Variants in IGSF3 observed in about 807,000 individuals in gnomAD.
IGSF3 encodes the protein glu-Trp-Ile EWI motif-containing protein 3.
In IGSF3, 23 loss-of-function variants were observed where a neutral mutation model predicts 114.4. That is an observed-to-expected ratio of 0.20 (90% confidence interval 0.14 to 0.28). The LOEUF is 0.28. Ranked by LOEUF, IGSF3 falls within the 10% of genes least tolerant of loss-of-function variation. The pLI is 1.00. For missense variants in IGSF3, 1,172 were observed against 1,591.5 expected, an observed-to-expected ratio of 0.74 and a Z score of 4.48; for synonymous variants, 571 against 645.2, an observed-to-expected ratio of 0.88 and a Z score of 1.74.
chr1:116,603,574 CTG>C lies in IGSF3; in HGVS notation c.1624+48_1624+49del. On this transcript the variant is annotated intron_variant, in intron 6 of 10. Coordinates refer to ENST00000369486, the MANE Select transcript of IGSF3 (RefSeq NM_001007237.3). This position sits in a 1 kb window ranked among gnomAD's most constrained non-coding sequence, Gnocchi z 7.1. ...AAAAGTCAGGATAAGGTGTTTGACA[CTG>C]AAGCTGTCTCCATGCCAGACCCACT... is the stretch of plus-strand genomic sequence containing the variant. 1.9e-6 allele frequency: 3 copies of C among 1,566,674 alleles called. No individual in the cohort carries two copies. The highest frequency in any genetic ancestry group is 2.6e-6 in the Non-Finnish European group (3 of 1,148,170).
At position 116,577,651 on chromosome 1, in the gene IGSF3, G is replaced by A; in HGVS notation, c.3335-89C>T. On this transcript the variant is annotated intron_variant, in intron 10 of 10. Transcript: ENST00000369486. The surrounding 1 kb of genome is among the most constrained non-coding windows in gnomAD (Gnocchi z 5.7). ...TTTTGAAGACCTCACCTGACCCAGT[G>A]GAAGCTCCTCGGTGACACTCCCACA... 7.6e-7 allele frequency: 1 copy of A among 1,317,826 alleles called. No individual in the cohort carries two copies. The allele number at this position is 1,317,826 out of a possible 1,614,324, so 81.6% of individuals were successfully genotyped here. A position where few individuals can be genotyped will look rare whatever the true frequency, so the allele number is the denominator to read the frequency against.
chr1:116,587,063 G>A (rs1321087075), intron 8 of IGSF3, among the ~76,000 whole-genome samples: 2 of 151,960 alleles, frequency 1.3e-5, no homozygotes, highest in Non-Finnish European at 2.9e-5. Flanking sequence ...CATTCAGCAG[G>A]GCACAGGCCA....
intron 4 of IGSF3, among the ~76,000 whole-genome samples, chr1:116,608,690 C>T (rs1660895822): frequency 6.6e-6 from 1 of 152,100 alleles, no homozygotes; most frequent in African/African-American, 2.4e-5. Context: ...AAATATCTAG[C>T]CTTGATATAT....
At position 116,607,786 on chromosome 1, in the gene IGSF3, G is replaced by A. The variant is rs1170052339; in HGVS notation, c.1222+156C>T. Reference sequence around the variant, plus strand: ...ACATGTATGCAGGTGGGCTACAACAGGGAAGAGAGGCTCAATGGTTTTTCC... The same window carrying A: ...ACATGTATGCAGGTGGGCTACAACAAGGAAGAGAGGCTCAATGGTTTTTCC... On this transcript the variant is annotated intron_variant, in intron 5 of 10. Transcript: ENST00000369486. This position sits in a 1 kb window ranked among gnomAD's most constrained non-coding sequence, Gnocchi z 6.1. Among the ~76,000 whole-genome samples, 1 of 152,176 alleles carries A rather than the reference G, an allele frequency of 6.6e-6. No individual in the cohort carries two copies. Among genetic ancestry groups the A allele is most frequent in the African/African-American group, 2.4e-5 (1 of 41,428 alleles).
chr1:116,599,922 A>C lies in IGSF3; in HGVS notation c.2029+19T>G. 1 of 1,597,694 alleles carries C rather than the reference A, an allele frequency of 6.3e-7. No homozygotes were observed. The highest frequency in any genetic ancestry group is 8.6e-7 in the Non-Finnish European group (1 of 1,169,142). On this transcript the variant is annotated intron_variant, in intron 7 of 10. Transcript: ENST00000369486. ...CTCAGGCAGCATGGGCACATAGCCC[A>C]CAGGTCCGCAGCACTCACCTGGCTG... is the stretch of plus-strand genomic sequence containing the variant.
At position 116,600,238 on chromosome 1, in the gene IGSF3, C is replaced by T. The variant is rs149872697; in HGVS notation, c.1732G>A (p.Val578Met). ...IKPHYPAWVPVSVTWRFQPVG... is the reference protein window; with the variant it reads ...IKPHYPAWVPMSVTWRFQPVG... ...GGCTGGAACCGCCATGTCACCGACA[C>T]GGGGACCCAGGCAGGGTAGTGGGGT... Residue 578 changes from valine (V) to methionine (M), a missense_variant, in exon 7 of 11, where the codon GTG becomes ATG. Transcript: ENST00000369486. This position sits in a 1 kb window ranked among gnomAD's most constrained non-coding sequence, Gnocchi z 5.5. 8.1e-6 allele frequency: 13 copies of T among 1,614,072 alleles called. No individual in the cohort carries two copies. In the African/African-American group the frequency reaches 1.5e-4, roughly 18 times the overall value.
In IGSF3 at chr1:116,592,882, C is replaced by T. The variant is rs1249519776; in HGVS notation, c.2030-3778G>A. Among the ~76,000 whole-genome samples the T allele has an allele frequency of 2.6e-5, 4 of 152,122 alleles. No homozygotes were observed. The highest frequency in any genetic ancestry group is 4.4e-5 in the Non-Finnish European group (3 of 68,030). On this transcript the variant is annotated intron_variant, in intron 7 of 10. Coordinates refer to ENST00000369486, the MANE Select transcript of IGSF3 (RefSeq NM_001007237.3). This position sits in a 1 kb window ranked among gnomAD's most constrained non-coding sequence, Gnocchi z 4.5. ...TTACTTTTCAAAAGGAGGGGCAATT[C>T]TGATTTTGATAGAAAAGAGAACATT...
In IGSF3 at chr1:116,627,728, G is replaced by T. The variant is rs1022664718; in HGVS notation, c.44-11271C>A. Among the ~76,000 whole-genome samples, 7 of 152,138 alleles carry T rather than the reference G, an allele frequency of 4.6e-5. No individual in the cohort carries two copies. Among genetic ancestry groups the T allele is most frequent in the Non-Finnish European group, 1.0e-4 (7 of 68,014 alleles). On this transcript the variant is annotated intron_variant, in intron 2 of 10. Coordinates refer to ENST00000369486, the MANE Select transcript of IGSF3 (RefSeq NM_001007237.3). The surrounding 1 kb of genome is among the most constrained non-coding windows in gnomAD (Gnocchi z 4.7). Reference sequence around the variant, plus strand: ...AACTAGACCTGGATACAAAGGGGTGGCCCTGGCTTCAGGAAGCCCATGATA... The same window carrying T: ...AACTAGACCTGGATACAAAGGGGTGTCCCTGGCTTCAGGAAGCCCATGATA...
At position 116,579,936 on chromosome 1, in the gene IGSF3, A is replaced by G; in HGVS notation, c.2849-59T>C. ...TTGTTTAAATTTATTTGCTCAAAATAAACTAAATGTCCATCATTAAACACA... is the reference window on the plus strand; with the variant it reads ...TTGTTTAAATTTATTTGCTCAAAATGAACTAAATGTCCATCATTAAACACA... On this transcript the variant is annotated intron_variant, in intron 9 of 10. Transcript: ENST00000369486. This position sits in a 1 kb window ranked among gnomAD's most constrained non-coding sequence, Gnocchi z 6.4. 7.1e-7 allele frequency: 1 copy of G among 1,414,752 alleles called. No individual in the cohort carries two copies. Among genetic ancestry groups the G allele is most frequent in the Non-Finnish European group, 9.5e-7 (1 of 1,051,214 alleles). 87.6% of individuals were successfully genotyped at this position (1,414,752 alleles called of 1,614,324 possible).
Position 116,584,881 on chromosome 1 carries a change from C to T in IGSF3, c.2612G>A (p.Ser871Asn). 1.2e-6 allele frequency: 2 copies of T among 1,614,244 alleles called. No individual in the cohort carries two copies. The highest frequency in any genetic ancestry group is 1.7e-5 in the Admixed American group (1 of 60,028). ...HPERETVARL[S>N]RDATFHYGEQ... ...TCCATAGTGGAAGGTGGCGTCACGGCTCAAGCGGGCCACAGTCTCCCGCTC... is the reference window on the plus strand; with the variant it reads ...TCCATAGTGGAAGGTGGCGTCACGGTTCAAGCGGGCCACAGTCTCCCGCTC... The change falls in exon 9 of 11, where the codon AGC becomes AAC. Residue 871 changes from serine to asparagine, a missense_variant. Around this residue, in one of 3 missense-constraint regions of IGSF3, gnomAD observed 423 missense variants for 509.8 expected, o/e 0.83. Transcript: ENST00000369486. The surrounding 1 kb of genome is among the most constrained non-coding windows in gnomAD (Gnocchi z 5.8).
At chr1:116,619,641 C>T (rs890261189) in intron 2 of IGSF3, among the ~76,000 whole-genome samples, 2 of 151,840 alleles carry the variant, frequency 1.3e-5, no homozygotes, top group Non-Finnish European at 2.9e-5. Context: ...ATAGTAATAC[C>T]CTGCTGTGCA....
In IGSF3 at chr1:116,657,519, T is replaced by A. The variant is rs1648912661; in HGVS notation, c.43+8765A>T. On this transcript the variant is annotated intron_variant, in intron 2 of 10. Transcript: ENST00000369486. The surrounding 1 kb of genome is among the most constrained non-coding windows in gnomAD (Gnocchi z 4.2). ...CACTAGACTAATTTTGCTTTAGAACTGGACTATATCAAGTGTGAACGATCA... is the reference window on the plus strand; with the variant it reads ...CACTAGACTAATTTTGCTTTAGAACAGGACTATATCAAGTGTGAACGATCA... Among the ~76,000 whole-genome samples the A allele has an allele frequency of 6.6e-6, 1 of 152,198 alleles. No individual in the cohort carries two copies. Among genetic ancestry groups the A allele is most frequent in the Non-Finnish European group, 1.5e-5 (1 of 68,036 alleles).
At position 116,612,519 on chromosome 1, in the gene IGSF3, A is replaced by G. The variant is rs987820970; in HGVS notation, c.832+1246T>C. On this transcript the variant is annotated intron_variant, in intron 4 of 10. Transcript: ENST00000369486. The surrounding 1 kb of genome is among the most constrained non-coding windows in gnomAD (Gnocchi z 4.1). The stretch of plus-strand genomic sequence containing the variant: ...TGAAGACTTCTGGGACGAAGCCCCA[A>G]AATGTATACTGTTAGCTGAGTCTGA... 3.3e-5 allele frequency among the ~76,000 whole-genome samples: 5 copies of G among 152,316 alleles called. No homozygotes were observed. Among genetic ancestry groups the G allele is most frequent in the African/African-American group, 1.2e-4 (5 of 41,568 alleles).
chr1:116,581,978 T>C (rs1211017642), intron 9 of IGSF3, among the ~76,000 whole-genome samples: 1 of 152,176 alleles, frequency 6.6e-6, no homozygotes, highest in African/African-American at 2.4e-5. Context: ...GTGGAACTTA[T>C]CATGGCCAGG....
At chr1:116,606,461 T>C (rs559787792) in intron 5 of IGSF3, 18 of 1,612,386 alleles carry the variant, frequency 1.1e-5, no homozygotes, top group Non-Finnish European at 1.3e-5. Context: ...CCATTACCGA[T>C]GTGATTGTTG....
At position 116,616,188 on chromosome 1, in the gene IGSF3, A is replaced by G; in HGVS notation, c.313T>C (p.Leu105=). 2 of 1,614,014 alleles carry G rather than the reference A, an allele frequency of 1.2e-6. No individual in the cohort carries two copies. Among genetic ancestry groups the G allele is most frequent in the Non-Finnish European group, 1.7e-6 (2 of 1,179,874 alleles). The change falls in exon 3 of 11, where the codon TTG becomes CTG. Residue 105 remains leucine, a synonymous_variant. Coordinates refer to ENST00000369486, the MANE Select transcript of IGSF3 (RefSeq NM_001007237.3). This position sits in a 1 kb window ranked among gnomAD's most constrained non-coding sequence, Gnocchi z 6.6. The part of the protein sequence containing the change: ...IERVQGNSTL[L]HITDLQARDA... ...CGGGCCTGAAGATCTGTGATGTGCA[A>G]TAGGGTTGAGTTCCCCTGGACTCTT...
intron 4 of IGSF3, among the ~76,000 whole-genome samples, chr1:116,609,635 C>T (rs372384600): frequency 1.6e-4 from 25 of 152,110 alleles, no homozygotes; most frequent in Middle Eastern, 3.4e-3. Flanking sequence ...AAAAGAACAC[C>T]GAGGTGGAAA....
rs1288898981 is a variant in IGSF3, at chr1:116,595,693, A to C, written c.2029+4248T>G. On this transcript the variant is annotated intron_variant, in intron 7 of 10. Transcript: ENST00000369486. This position sits in a 1 kb window ranked among gnomAD's most constrained non-coding sequence, Gnocchi z 4.2. ...TATGGCTTTGTCAATTTTAATGTAC[A>C]ATATTTAATAGCCAAACCAAGATAT... 6.6e-6 allele frequency among the ~76,000 whole-genome samples: 1 copy of C among 152,224 alleles called. No homozygotes were observed. The highest frequency in any genetic ancestry group is 1.5e-5 in the Non-Finnish European group (1 of 68,048).
intron 10 of IGSF3, among the ~76,000 whole-genome samples, chr1:116,578,350 G>C (rs1388923161): frequency 6.6e-6 from 1 of 152,214 alleles, no homozygotes; most frequent in Non-Finnish European, 1.5e-5. Flanking sequence ...GAGGCAGTGG[G>C]TTATTCAGTG....
Sources: allele counts gnomAD v4.1 joint callset (sites outside exome capture counted in the v4.1 genomes callset), GRCh38; gene constraint gnomAD v4.1.1; regional missense constraint gnomAD v4.1.1; non-coding constraint Gnocchi (gnomAD v3.1); transcripts MANE v1.5; gene names NCBI Gene and HGNC (gene_info 2026-07-23, HGNC 2026-07-21).